The following MTERF4 variants were observed in gnomAD, a reference collection of about 807,000 sequenced individuals.
MTERF4 encodes the protein mitochondrial transcription termination factor 4, also known as transcription termination factor 4, mitochondrial.
A neutral mutation model predicts 22.5 loss-of-function variants in MTERF4; 17 were observed. The observed-to-expected ratio is 0.75, with a 90% confidence interval of 0.52 to 1.13. MTERF4 has a LOEUF of 1.13. Among genes scored for constraint, MTERF4 ranks in the 50% most tolerant of loss-of-function variants. The pLI is 0.00. For missense variants in MTERF4, 420 were observed against 466.8 expected (o/e 0.90, Z 0.92); for synonymous variants, 165 against 175.3 (o/e 0.94, Z 0.47).
At chr2:241,051,816 A>G in the MTERF4 span, 19 of 1,562,168 alleles carry the variant, frequency 1.2e-5, no homozygotes, top group Non-Finnish European at 1.6e-5. The surrounding 1 kb of genome is among the most constrained non-coding windows in gnomAD (Gnocchi z 4.7). Flanking sequence ...GGCGAGTACC[A>G]CTGCAGCTGC....
the MTERF4 span, chr2:241,052,601 A>G: frequency 1.8e-6 from 1 of 556,012 alleles, no homozygotes; most frequent in Non-Finnish European, 3.3e-6. Flanking sequence ...CAAGCAGGAT[A>G]TATGGGATAC....
At chr2:241,091,648 G>T (rs1158304608), downstream of MTERF4, 1 of 152,210 alleles carries the variant, frequency 6.6e-6, no homozygotes, top group South Asian at 2.1e-4. The surrounding 1 kb of genome is among the most constrained non-coding windows in gnomAD (Gnocchi z 4.1). Flanking sequence ...GATTTAAGAC[G>T]TTCTTGTTAC....
rs763228776 is a variant in MTERF4 at position 241,096,149 on chromosome 2, G to T, written c.995C>A (p.Ser332Tyr). 2 of 1,613,884 alleles carry T rather than the reference G, an allele frequency of 1.2e-6. No individual in the cohort carries two copies. Among genetic ancestry groups the T allele is most frequent in the Admixed American group, 1.7e-5 (1 of 59,996 alleles). ...REEEESESST[S>Y]DDKRASLDED... ...ATCCAGACTTGCCCTTTTGTCATCA[G>T]ATGTGCTGCTCTCAGACTCCTCCTC... is the stretch of plus-strand genomic sequence containing the variant. The change falls in exon 4 of 4, where the codon TCT becomes TAT. Residue 332 changes from serine (S) to tyrosine (Y), a missense_variant. Transcript: ENST00000391980. This position sits in a 1 kb window ranked among gnomAD's most constrained non-coding sequence, Gnocchi z 5.1.
At chr2:241,053,270 G>A in the MTERF4 span, 1 of 1,603,550 alleles carries the variant, frequency 6.2e-7, no homozygotes. Context: ...AGCGCCCCCA[G>A]CCGCATCCGG....
At position 241,099,396 on chromosome 2, in the gene MTERF4, C is replaced by T. The variant is rs949163285; in HGVS notation, c.520G>A (p.Gly174Arg). The T allele has an allele frequency of 1.9e-6, 3 of 1,611,314 alleles. No homozygotes were observed. The highest frequency in any genetic ancestry group is 2.2e-5 in the East Asian group (1 of 44,850). Residue 174 changes from glycine to arginine, a missense_variant and splice_region_variant, in exon 2 of 4, where the codon GGG (glycine) becomes AGG (arginine). By Grantham distance (125) the Gly-to-Arg change is moderately radical (BLOSUM62 -2). Transcript: ENST00000391980. ...SYLQKLGLGE[G>R]KLKRVLYCCP... Reference sequence around the variant, plus strand: ...AGCCAAAATCTGCAACTTCTTGTACCTTCTCCAAGCCCAAGCTTTTGCAGG... The same window carrying T: ...AGCCAAAATCTGCAACTTCTTGTACTTTCTCCAAGCCCAAGCTTTTGCAGG...
At chr2:241,063,922 A>C in the MTERF4 span, 2 of 1,011,760 alleles carry the variant, frequency 2.0e-6, no homozygotes, top group Non-Finnish European at 3.0e-6. Context: ...CCGCCCCTAG[A>C]CTCCTCCTTT....
At chr2:241,053,066 C>CCTGCA in the MTERF4 span, 1 of 1,316,420 alleles carries the variant, frequency 7.6e-7, no homozygotes. Flanking sequence ...ATCCCTGGGC[C>CCTGCA]CTGCAGTCGG....
the MTERF4 span, chr2:241,053,272 C>G: frequency 1.2e-6 from 2 of 1,602,980 alleles, no homozygotes; most frequent in Non-Finnish European, 8.5e-7. Flanking sequence ...CGCCCCCAGC[C>G]GCATCCGGGT....
intron 4 of MTERF4, among the ~76,000 whole-genome samples, chr2:241,080,477 C>A (rs2063278158): frequency 6.6e-6 from 1 of 152,134 alleles, no homozygotes; most frequent in African/African-American, 2.4e-5. Flanking sequence ...AGATCTCGTT[C>A]TCACCAAGAA....
chr2:241,055,218 A>G, the MTERF4 span, among the ~76,000 whole-genome samples: 1 of 152,200 alleles, frequency 6.6e-6, no homozygotes, highest in Non-Finnish European at 1.5e-5. Context: ...AATGTAAAGG[A>G]TAAGTGGCTA....
the MTERF4 span, chr2:241,049,197 G>C: frequency 1.5e-6 from 2 of 1,308,254 alleles, no homozygotes; most frequent in Non-Finnish European, 2.2e-6. Flanking sequence ...GGGAGAAAGC[G>C]GTGGATGAGG....
chr2:241,053,979 A>G, the MTERF4 span, among the ~76,000 whole-genome samples: 823 of 152,346 alleles, frequency 5.4e-3, 6 homozygotes, highest in African/African-American at 0.012. Flanking sequence ...CAAGCTTAGG[A>G]ACAGTGGGTG....
At chr2:241,053,646 T>G in the MTERF4 span, among the ~76,000 whole-genome samples, 2 of 152,330 alleles carry the variant, frequency 1.3e-5, no homozygotes, top group East Asian at 3.9e-4. Context: ...GGCAGAGTCC[T>G]AAAGAGCCAG....
At chr2:241,071,718 C>CCCCCCG, downstream of MTERF4, 1 of 1,503,676 alleles carries the variant, frequency 6.7e-7, no homozygotes, top group Non-Finnish European at 9.0e-7. Context: ...CCCAGCCCCC[C>CCCCCCG]AGGTACATGC....
Position 241,096,282 on chromosome 2 carries a change from G to T in MTERF4, c.862C>A (p.Pro288Thr). ...ACTCTGAGAATGTCCTTGAGCAATG[G>T]GTTAGGGATCTGTGTCTGCCCCTTC... is the stretch of plus-strand genomic sequence containing the variant. ...DKKGQTQIPN[P>T]LLKDILRVSE... The change falls in exon 4 of 4, where the codon CCA (proline) becomes ACA (threonine). Residue 288 changes from proline (P) to threonine (T), a missense_variant. By Grantham distance (38) the Pro-to-Thr change is conservative (BLOSUM62 -1). Transcript: ENST00000391980. This position sits in a 1 kb window ranked among gnomAD's most constrained non-coding sequence, Gnocchi z 5.1. 1 of 1,614,192 alleles carries T rather than the reference G, an allele frequency of 6.2e-7. No individual in the cohort carries two copies. The highest frequency in any genetic ancestry group is 8.5e-7 in the Non-Finnish European group (1 of 1,180,044).
intron 4 of MTERF4, among the ~76,000 whole-genome samples, chr2:241,076,050 G>A (rs1196602455): frequency 6.6e-6 from 1 of 152,136 alleles, no homozygotes; most frequent in Non-Finnish European, 1.5e-5. Flanking sequence ...CTCTAACTTT[G>A]TAAGTCCTGG....
chr2:241,067,397 A>C (rs2062501578), downstream of MTERF4, among the ~76,000 whole-genome samples: 1 of 152,192 alleles, frequency 6.6e-6, no homozygotes, highest in South Asian at 2.1e-4. Context: ...CTTAGACCAA[A>C]ATAGTCAACT....
At chr2:241,064,149 C>G in the MTERF4 span, 11 of 1,436,116 alleles carry the variant, frequency 7.7e-6, no homozygotes, top group South Asian at 2.6e-5. This position sits in a 1 kb window ranked among gnomAD's most constrained non-coding sequence, Gnocchi z 7.0. Flanking sequence ...CCTGCCTGCT[C>G]CCCGCCCTCT....
At chr2:241,049,755 C>G in the MTERF4 span, 1 of 1,337,922 alleles carries the variant, frequency 7.5e-7, no homozygotes, top group East Asian at 2.3e-5. Flanking sequence ...GCCCGCCAGC[C>G]TCTTGCCGCC....
Sources: allele counts gnomAD v4.1 joint callset (sites outside exome capture counted in the v4.1 genomes callset), GRCh38; gene constraint gnomAD v4.1.1; non-coding constraint Gnocchi (gnomAD v3.1); transcripts MANE v1.5; gene names NCBI Gene and HGNC (gene_info 2026-07-23, HGNC 2026-07-21).